RPH3AL: variants seen among roughly 807,000 people sequenced by gnomAD.
RPH3AL encodes the protein rabphilin 3A like (without C2 domains).
In RPH3AL, 38 loss-of-function variants were observed where a neutral mutation model predicts 43.1. That is an observed-to-expected ratio of 0.88 (90% CI 0.68 to 1.15). RPH3AL has a LOEUF of 1.15. Among genes scored for constraint, RPH3AL ranks in the 50% most tolerant of loss-of-function variants. The pLI, the probability that RPH3AL is intolerant of heterozygous loss-of-function variation, is 0.00. For synonymous variants in RPH3AL, 189 were observed against 176.3 expected, an observed-to-expected ratio of 1.07 and a Z score of -0.57; for missense variants, 462 against 423.2, an observed-to-expected ratio of 1.09 and a Z score of -0.81.
intron 5 of RPH3AL, among the ~76,000 whole-genome samples, chr17:316,445 G>C (rs1488769227): frequency 1.3e-5 from 2 of 149,738 alleles, no homozygotes; most frequent in Non-Finnish European, 1.5e-5. Flanking sequence ...TGTAGTCTCT[G>C]TGCTCCACCT....
rs1156846014 is a variant in RPH3AL, at chr17:289,934, C to A, written c.352-8080G>T. Among the ~76,000 whole-genome samples, 1 of 152,230 alleles carries A rather than the reference C, an allele frequency of 6.6e-6. No individual in the cohort carries two copies. Among genetic ancestry groups the A allele is most frequent in the African/African-American group, 2.4e-5 (1 of 41,466 alleles). On this transcript the variant is annotated intron_variant, in intron 5 of 9. Transcript: ENST00000331302. The surrounding 1 kb of genome is among the most constrained non-coding windows in gnomAD (Gnocchi z 5.2). Reference sequence around the variant, plus strand: ...GCTGTCAAGGTTGTGATTTTACCCTCCGCTGTGTGGCTGCAGGGCTCCTGT... The same window carrying A: ...GCTGTCAAGGTTGTGATTTTACCCTACGCTGTGTGGCTGCAGGGCTCCTGT...
At chr17:314,531 T>C (rs879999318) in intron 5 of RPH3AL, among the ~76,000 whole-genome samples, 10,135 of 121,456 alleles carry the variant, frequency 0.083, 760 homozygotes, top group African/African-American at 0.21. Context: ...TCCCTGTGAC[T>C]CCACCTCCAT....
intron 2 of RPH3AL, chr17:332,708 G>A (rs955619505): frequency 3.8e-6 from 1 of 260,036 alleles, no homozygotes; most frequent in South Asian, 4.5e-5. Flanking sequence ...TCCCCACGGG[G>A]TAGTCGGCCT....
chr17:334,173 C>T (rs2044876937), intron 1 of RPH3AL: 1 of 153,642 alleles, frequency 6.5e-6, no homozygotes, highest in Non-Finnish European at 1.4e-5. Context: ...GCCTTGGGAG[C>T]TCATCCCCGT....
At chr17:228,955 A>G (rs1345900684) in intron 7 of RPH3AL, among the ~76,000 whole-genome samples, 3 of 152,198 alleles carry the variant, frequency 2.0e-5, no homozygotes, top group African/African-American at 7.2e-5. Context: ...AAATACCTTA[A>G]TCTTTTTCAA....
intron 7 of RPH3AL, among the ~76,000 whole-genome samples, chr17:239,338 G>C (rs2041473561): frequency 6.6e-6 from 1 of 152,142 alleles, no homozygotes; most frequent in Non-Finnish European, 1.5e-5. Context: ...TGTGTTTCTG[G>C]ATACACCTAG....
intron 6 of RPH3AL, among the ~76,000 whole-genome samples, chr17:280,976 G>A (rs150327618): frequency 4.6e-5 from 7 of 152,254 alleles, no homozygotes; most frequent in Non-Finnish European, 8.8e-5. Flanking sequence ...CCAGCTGCAC[G>A]CCTCCTCGCC....
At chr17:276,837 G>A (rs1412331282) in intron 6 of RPH3AL, among the ~76,000 whole-genome samples, 1 of 152,146 alleles carries the variant, frequency 6.6e-6, no homozygotes, top group Non-Finnish European at 1.5e-5. Flanking sequence ...TGTGGCTGGT[G>A]GACAACAGGG....
At chr17:226,429 G>C (rs767877785) in intron 7 of RPH3AL, among the ~76,000 whole-genome samples, 2 of 152,256 alleles carry the variant, frequency 1.3e-5, no homozygotes, top group Non-Finnish European at 2.9e-5. Flanking sequence ...TCTGCTCACT[G>C]TGTTGGGATT....
chr17:326,875 G>A (rs1455704877), intron 3 of RPH3AL, among the ~76,000 whole-genome samples: 1 of 152,182 alleles, frequency 6.6e-6, no homozygotes, highest in Non-Finnish European at 1.5e-5. Context: ...AAGAAAGCCA[G>A]GACCCCCAAG....
intron 5 of RPH3AL, among the ~76,000 whole-genome samples, chr17:317,653 A>G (rs952222089): frequency 6.6e-6 from 1 of 152,218 alleles, no homozygotes; most frequent in East Asian, 1.9e-4. Flanking sequence ...GGGCCAGTTA[A>G]TCCACCTTCC....
intron 6 of RPH3AL, among the ~76,000 whole-genome samples, chr17:275,559 T>A (rs992922197): frequency 9.2e-5 from 14 of 152,142 alleles, no homozygotes; most frequent in African/African-American, 3.1e-4. Context: ...CACACAAGTG[T>A]TTCTGAGTAC....
chr17:249,056 C>T (rs2151547722), intron 6 of RPH3AL, among the ~76,000 whole-genome samples: 1 of 152,232 alleles, frequency 6.6e-6, no homozygotes, highest in East Asian at 1.9e-4. Context: ...TTGGAGAGAG[C>T]CACCGATTAG....
In RPH3AL at chr17:215,284, CCT is replaced by C. The variant is rs1453408344; in HGVS notation, c.876+368_876+369del. On this transcript the variant is annotated intron_variant, in intron 9 of 9. Coordinates refer to ENST00000331302, the MANE Select transcript of RPH3AL (RefSeq NM_006987.4). The surrounding 1 kb of genome is among the most constrained non-coding windows in gnomAD (Gnocchi z 4.1). The stretch of plus-strand genomic sequence containing the variant: ...GCAGGGTGGGAGCCCAGGATTCTCC[CCT>C]CACTCTCTCTCTGTGCCTTGGTTTC... Among the ~76,000 whole-genome samples the C allele has an allele frequency of 6.6e-6, 1 of 152,178 alleles. No individual in the cohort carries two copies. The highest frequency in any genetic ancestry group is 2.4e-5 in the African/African-American group (1 of 41,438).
intron 5 of RPH3AL, among the ~76,000 whole-genome samples, chr17:286,818 CA>C (rs2042924255): frequency 6.6e-6 from 1 of 152,172 alleles, no homozygotes; most frequent in Admixed American, 6.5e-5. Flanking sequence ...ATGCACCCTG[CA>C]GCCTGGAACT....
intron 5 of RPH3AL, among the ~76,000 whole-genome samples, chr17:303,544 GGGAGGGAGGGA>G: frequency 1.6e-5 from 2 of 124,428 alleles, no homozygotes; most frequent in Admixed American, 8.1e-5. Context: ...GAAAGAGATG[GGGAGGGAGGGA>G]GGCTGTACTG....
At chr17:271,361 T>C (rs967612698) in intron 6 of RPH3AL, among the ~76,000 whole-genome samples, 6 of 152,238 alleles carry the variant, frequency 3.9e-5, no homozygotes, top group African/African-American at 1.4e-4. Context: ...ACAAATTACC[T>C]TGGGCAGTAT....
chr17:319,053 G>T (rs142724943), intron 5 of RPH3AL, among the ~76,000 whole-genome samples: 7 of 152,324 alleles, frequency 4.6e-5, no homozygotes, highest in African/African-American at 1.7e-4. Context: ...GCATGGTGAG[G>T]TACATGGTAT....
At position 303,554 on chromosome 17, in the gene RPH3AL, G is replaced by A. The variant is rs527999629; in HGVS notation, c.351+15866C>T. On this transcript the variant is annotated intron_variant, in intron 5 of 9. Transcript: ENST00000331302. ...TTCAGGAAAGAGATGGGGAGGGAGG[G>A]AGGCTGTACTGAGGTTTTAATAATT... Among the ~76,000 whole-genome samples the A allele has an allele frequency of 5.6e-3, 580 of 104,228 alleles. 14 individuals are homozygous for A. Among genetic ancestry groups the A allele is most frequent in the African/African-American group, 0.012 (296 of 25,134 alleles). 68.4% of individuals were successfully genotyped at this position (104,228 alleles called of 152,430 possible). A position where few individuals can be genotyped will look rare whatever the true frequency, so the allele number is the denominator to read the frequency against.
Sources: allele counts gnomAD v4.1 joint callset (sites outside exome capture counted in the v4.1 genomes callset), GRCh38; gene constraint gnomAD v4.1.1; non-coding constraint Gnocchi (gnomAD v3.1); transcripts MANE v1.5; gene names NCBI Gene and HGNC (gene_info 2026-07-23, HGNC 2026-07-21).